EPG5: variants seen among roughly 807,000 people sequenced by gnomAD.
EPG5 encodes ectopic P granules protein 5 homolog.
Under a neutral mutation model 302.7 loss-of-function variants are expected in EPG5, and 159 were observed. The observed-to-expected ratio is 0.53, with a 90% CI of 0.46 to 0.60. The LOEUF is 0.60. Ranked by LOEUF, EPG5 falls within the 20% of genes least tolerant of loss-of-function variation. EPG5 has a pLI of 0.00. For synonymous variants in EPG5, 1,158 were observed against 1,136.8 expected (o/e 1.02, Z -0.37); for missense variants, 2,896 against 3,092.4 (o/e 0.94, Z 1.51).
At chr18:45,801,184 G>A in the EPG5 span, among the ~76,000 whole-genome samples, 7 of 152,126 alleles carry the variant, frequency 4.6e-5, no homozygotes, top group Admixed American at 2.6e-4. Context: ...TTACAGGTGC[G>A]TGCTACCACA....
chr18:45,853,138 G>C (rs187874746), intron 43 of EPG5, among the ~76,000 whole-genome samples: 4 of 152,326 alleles, frequency 2.6e-5, no homozygotes, highest in Admixed American at 1.3e-4. Flanking sequence ...TGTTGGGTAT[G>C]TTCCTAGGTT....
At position 45,852,662 on chromosome 18, in the gene EPG5, G is replaced by T. The variant is rs949606620; in HGVS notation, c.7558-13C>A. On this transcript the variant is annotated splice_polypyrimidine_tract_variant and intron_variant, in intron 43 of 43. Transcript: ENST00000282041. ...GAGCATTCAGAGCCTAAAAGACACGGAAGATGAGAGGGTTAACTCCATAGA... is the reference window on the plus strand; with the variant it reads ...GAGCATTCAGAGCCTAAAAGACACGTAAGATGAGAGGGTTAACTCCATAGA... The T allele has an allele frequency of 6.2e-7, 1 of 1,612,014 alleles. No homozygotes were observed. The highest frequency in any genetic ancestry group is 1.3e-5 in the African/African-American group (1 of 74,972).
chr18:45,865,058 T>C (rs2048717083), intron 39 of EPG5, among the ~76,000 whole-genome samples: 1 of 152,192 alleles, frequency 6.6e-6, no homozygotes, highest in Non-Finnish European at 1.5e-5. Flanking sequence ...GCAAAACTCT[T>C]CAGGGTGACA....
At chr18:45,853,228 G>C (rs984031937) in intron 43 of EPG5, among the ~76,000 whole-genome samples, 1 of 152,230 alleles carries the variant, frequency 6.6e-6, no homozygotes, top group African/African-American at 2.4e-5. Flanking sequence ...AAGAGTAAGT[G>C]AGAAGGTTGT....
chr18:45,865,397 T>G (rs1387329688), intron 39 of EPG5, among the ~76,000 whole-genome samples: 1 of 152,202 alleles, frequency 6.6e-6, no homozygotes, highest in African/African-American at 2.4e-5. Context: ...GATCCCATTG[T>G]CCAGCTTAAA....
chr18:45,862,890 T>C (rs1001425362), intron 39 of EPG5, among the ~76,000 whole-genome samples: 1 of 152,260 alleles, frequency 6.6e-6, no homozygotes, highest in African/African-American at 2.4e-5. Context: ...TATTTTATTA[T>C]TCAGTTGTAA....
chr18:45,949,353 T>C, intron 5 of EPG5, 131 bp downstream of exon 5: 1 of 572,756 alleles, frequency 1.7e-6, no homozygotes, highest in Non-Finnish European at 3.0e-6. Context: ...ATACTGGATA[T>C]ATTTTAAGAA....
At position 45,925,777 on chromosome 18, in the gene EPG5, A is replaced by G. The variant is rs1218990203; in HGVS notation, c.2679T>C (p.Cys893=). Residue 893 remains cysteine, a synonymous_variant, in exon 14 of 44, where the codon TGT becomes TGC. Coordinates refer to ENST00000282041, the MANE Select transcript of EPG5 (RefSeq NM_020964.3). ...CCCAATTCAGTCCTTCAAGAATAACACAGGCCAGTTTATTCTTCACCACTG... is the reference window on the plus strand; with the variant it reads ...CCCAATTCAGTCCTTCAAGAATAACGCAGGCCAGTTTATTCTTCACCACTG... ...NLTVVKNKLA[C]VILEGLNWGF... 1 of 1,571,150 alleles carries G rather than the reference A, an allele frequency of 6.4e-7. No homozygotes were observed. Among genetic ancestry groups the G allele is most frequent in the East Asian group, 2.4e-5 (1 of 42,504 alleles).
intron 16 of EPG5, among the ~76,000 whole-genome samples, chr18:45,919,566 G>A (rs924947848): frequency 1.3e-5 from 2 of 149,978 alleles, no homozygotes; most frequent in Admixed American, 6.6e-5. Context: ...AGGCTGGAGT[G>A]CAGTGGCGCA....
chr18:45,829,444 GAGA>G, the EPG5 span, among the ~76,000 whole-genome samples: 5 of 152,178 alleles, frequency 3.3e-5, no homozygotes, highest in Non-Finnish European at 7.4e-5. Context: ...TGCAAGCCCA[GAGA>G]AAGATTTGCA....
At chr18:45,835,377 G>T in the EPG5 span, among the ~76,000 whole-genome samples, 1 of 152,268 alleles carries the variant, frequency 6.6e-6, no homozygotes, top group African/African-American at 2.4e-5. Flanking sequence ...CATGCATATG[G>T]ACTGCATCTC....
chr18:45,820,634 G>A, the EPG5 span, among the ~76,000 whole-genome samples: 2 of 151,952 alleles, frequency 1.3e-5, no homozygotes, highest in East Asian at 1.9e-4. Context: ...TCTGTTCCAC[G>A]GACCTGAGCC....
downstream of EPG5, among the ~76,000 whole-genome samples, chr18:45,845,471 TG>T (rs1000322887): frequency 6.6e-6 from 1 of 152,150 alleles, no homozygotes; most frequent in African/African-American, 2.4e-5. Context: ...CCAGACCCTC[TG>T]GGCTGCTCTT....
At chr18:45,882,603 A>G in intron 30 of EPG5, 116 bp from the exon 31 acceptor site, 1 of 720,958 alleles carries the variant, frequency 1.4e-6, no homozygotes, top group Non-Finnish European at 2.2e-6. Flanking sequence ...ATTTTATAAA[A>G]ATTGAAATTA....
At chr18:45,825,649 C>G in the EPG5 span, 1 of 1,515,852 alleles carries the variant, frequency 6.6e-7, no homozygotes, top group Non-Finnish European at 9.1e-7. Flanking sequence ...CGCCTTCCTT[C>G]CCCCACCACG....
At position 45,923,317 on chromosome 18, in the gene EPG5, T is replaced by C. The variant is rs1480168541; in HGVS notation, c.2789A>G (p.Tyr930Cys). The change falls in exon 15 of 44, where the codon TAC (tyrosine) becomes TGC (cysteine). Residue 930 changes from tyrosine to cysteine, a missense_variant. Transcript: ENST00000282041. ...ALMVLEAYQK[Y>C]LAQKPYAGIL... ...CCCAGCATATGGCTTCTGTGCAAGG[T>C]ACTTCTGATAAGCTTCAAGAACCAT... 1 of 1,614,024 alleles carries C rather than the reference T, an allele frequency of 6.2e-7. No homozygotes were observed. The highest frequency in any genetic ancestry group is 8.5e-7 in the Non-Finnish European group (1 of 1,179,964).
At chr18:45,808,496 T>A in the EPG5 span, among the ~76,000 whole-genome samples, 1 of 152,114 alleles carries the variant, frequency 6.6e-6, no homozygotes, top group Non-Finnish European at 1.5e-5. Context: ...AGGTAACCTA[T>A]AAAGGAAAAC....
At chr18:45,841,824 C>T in the EPG5 span, among the ~76,000 whole-genome samples, 1 of 152,140 alleles carries the variant, frequency 6.6e-6, no homozygotes, top group Non-Finnish European at 1.5e-5. Flanking sequence ...ACCAGGAGGC[C>T]AGGCCGGAGA....
the EPG5 span, among the ~76,000 whole-genome samples, chr18:45,839,609 G>A: frequency 6.6e-6 from 1 of 152,188 alleles, no homozygotes; most frequent in Admixed American, 6.5e-5. Flanking sequence ...CCAGAGGAAG[G>A]TATGCCTCCC....
Sources: allele counts gnomAD v4.1 joint callset (sites outside exome capture counted in the v4.1 genomes callset), GRCh38; gene constraint gnomAD v4.1.1; transcripts MANE v1.5; gene names NCBI Gene and HGNC (gene_info 2026-07-23, HGNC 2026-07-21).